Variants in ZNF516 observed in about 807,000 individuals in gnomAD.
ZNF516 encodes the protein zinc finger protein 516.
ZNF516 carries 19 observed loss-of-function variants against 79.7 expected under a neutral mutation model. The observed-to-expected ratio is 0.24, with a 90% CI of 0.17 to 0.35. ZNF516 has a LOEUF of 0.35. Ranked by LOEUF, ZNF516 falls within the 10% of genes least tolerant of loss-of-function variation. ZNF516 has a pLI of 1.00. For missense variants in ZNF516, 1,678 were observed against 1,679.5 expected (o/e 1.00, Z 0.02); for synonymous variants, 877 against 739.5 (o/e 1.19, Z -3.02).
chr18:76,391,986 A>G (rs6565886), intron 3 of ZNF516, among the ~76,000 whole-genome samples: 2 of 152,040 alleles, frequency 1.3e-5, no homozygotes, highest in Non-Finnish European at 2.9e-5. Flanking sequence ...GAGGCAAACA[A>G]CACCACGGTC....
At chr18:76,494,900 C>A (rs1915418380) in intron 1 of ZNF516, among the ~76,000 whole-genome samples, 1 of 150,602 alleles carries the variant, frequency 6.6e-6, no homozygotes, top group South Asian at 2.1e-4. Flanking sequence ...CTCGCCCCGC[C>A]GCCCGAAGTT....
At chr18:76,371,388 T>C in intron 5 of ZNF516, 79 bp downstream of exon 5, 2 of 1,381,222 alleles carry the variant, frequency 1.4e-6, no homozygotes, top group Non-Finnish European at 2.0e-6. Context: ...TCTCCCTCGC[T>C]GCGGATGGTC....
chr18:76,383,264 A>T (rs1400866331), intron 3 of ZNF516, among the ~76,000 whole-genome samples: 1 of 152,148 alleles, frequency 6.6e-6, no homozygotes, highest in Non-Finnish European at 1.5e-5. Context: ...CAGCTTTCCA[A>T]GGACCTACTT....
chr18:76,430,793 T>G (rs1013169345), intron 3 of ZNF516, among the ~76,000 whole-genome samples: 1 of 152,232 alleles, frequency 6.6e-6, no homozygotes, highest in Admixed American at 6.5e-5. Context: ...ACACTCAGAT[T>G]TGGCACATCT....
At position 76,362,298 on chromosome 18, in the gene ZNF516, T is replaced by G. The variant is rs750284611; in HGVS notation, c.*200A>C. ...TCTAGAATATAGCATCTTCATTTAT[T>G]TCTGAACGTTTAACAAGGAGAGGCA... On this transcript the variant is annotated 3_prime_UTR_variant, in exon 7 of 7. Coordinates refer to ENST00000443185, the MANE Select transcript of ZNF516 (RefSeq NM_014643.4). 5.5e-6 allele frequency: 3 copies of G among 542,522 alleles called. No homozygotes were observed. Among genetic ancestry groups the G allele is most frequent in the Non-Finnish European group, 1.0e-5 (3 of 295,966 alleles). The allele number at this position is 542,522 out of a possible 1,614,324, so 33.6% of individuals were successfully genotyped here.
intron 3 of ZNF516, among the ~76,000 whole-genome samples, chr18:76,403,815 G>A (rs1461816334): frequency 6.6e-6 from 1 of 152,166 alleles, no homozygotes; most frequent in Non-Finnish European, 1.5e-5. Flanking sequence ...TGATCTATAT[G>A]ATGTATTCAC....
chr18:76,475,219 T>C (rs931042904), intron 1 of ZNF516, among the ~76,000 whole-genome samples: 5 of 152,218 alleles, frequency 3.3e-5, no homozygotes, highest in Admixed American at 6.5e-5. Flanking sequence ...CTTCACTGGA[T>C]AATGTGACGA....
intron 3 of ZNF516, among the ~76,000 whole-genome samples, chr18:76,440,887 G>A (rs905269853): frequency 1.3e-5 from 2 of 152,200 alleles, no homozygotes; most frequent in Admixed American, 6.5e-5. Flanking sequence ...CAGATGCTCA[G>A]GTGAGACCAT....
chr18:76,458,961 G>A (rs1851536291), intron 2 of ZNF516, among the ~76,000 whole-genome samples: 1 of 152,172 alleles, frequency 6.6e-6, no homozygotes, highest in Non-Finnish European at 1.5e-5. Flanking sequence ...GAGAGACTGA[G>A]TGTCATGTGT....
At chr18:76,484,492 G>A (rs540505140) in intron 1 of ZNF516, among the ~76,000 whole-genome samples, 17 of 152,280 alleles carry the variant, frequency 1.1e-4, no homozygotes, top group South Asian at 4.1e-4. Flanking sequence ...TAAAATGGCG[G>A]CCGCCCTAAC....
intron 3 of ZNF516, among the ~76,000 whole-genome samples, chr18:76,433,435 C>T (rs1321870796): frequency 6.6e-6 from 1 of 152,174 alleles, no homozygotes; most frequent in Non-Finnish European, 1.5e-5. Context: ...ATGCTGGGGA[C>T]AGAGAGGGTC....
At chr18:76,469,476 A>G (rs17355758) in intron 1 of ZNF516, among the ~76,000 whole-genome samples, 10,366 of 152,244 alleles carry the variant, frequency 0.068, 356 homozygotes, top group Middle Eastern at 0.1. Flanking sequence ...CAAAGACCTA[A>G]TAATAGTTTC....
intron 3 of ZNF516, among the ~76,000 whole-genome samples, chr18:76,412,568 C>T (rs903361665): frequency 6.6e-6 from 1 of 152,136 alleles, no homozygotes; most frequent in Non-Finnish European, 1.5e-5. Context: ...GGAGACTGAC[C>T]TCATTTCTTC....
intron 1 of ZNF516, among the ~76,000 whole-genome samples, chr18:76,480,531 T>TATATATA (rs1568327546): frequency 1.9e-5 from 1 of 52,874 alleles, no homozygotes; most frequent in East Asian, 4.6e-4. Context: ...ACACATATAT[T>TATATATA]TTTTTTTTTG....
intron 3 of ZNF516, among the ~76,000 whole-genome samples, chr18:76,382,905 G>A (rs1414228106): frequency 6.6e-6 from 1 of 152,070 alleles, no homozygotes; most frequent in African/African-American, 2.4e-5. Context: ...AATTAGCCAA[G>A]CGTGGTGGCA....
At chr18:76,423,153 T>C (rs2075529770) in intron 3 of ZNF516, among the ~76,000 whole-genome samples, 1 of 152,158 alleles carries the variant, frequency 6.6e-6, no homozygotes, top group African/African-American at 2.4e-5. Flanking sequence ...CAACACAATT[T>C]ACACGCATTC....
At chr18:76,376,058 C>T (rs796148852) in intron 4 of ZNF516, among the ~76,000 whole-genome samples, 3 of 152,330 alleles carry the variant, frequency 2.0e-5, no homozygotes, top group African/African-American at 7.2e-5. Context: ...AACACGGATG[C>T]TGGGTCCAGG....
chr18:76,424,090 C>T (rs1233656142), intron 3 of ZNF516, among the ~76,000 whole-genome samples: 8 of 106,060 alleles, frequency 7.5e-5, no homozygotes, highest in East Asian at 6.4e-4. Flanking sequence ...AACATACACA[C>T]GCAGGTGAAA....
rs199880099 is a variant in ZNF516 at position 76,379,541 on chromosome 18, G to A, written c.2573C>T (p.Thr858Ile). ...ATTCTTAGGCATGCTAGCGGCTTTTGTGACCACTCCCAGGGGAGAAGAGCC... is the reference window on the plus strand; with the variant it reads ...ATTCTTAGGCATGCTAGCGGCTTTTATGACCACTCCCAGGGGAGAAGAGCC... ...KSGSSPLGVVTKAASMPKNKE... is the reference protein window; with the variant it reads ...KSGSSPLGVVIKAASMPKNKE... The change falls in exon 4 of 7, where the codon ACA becomes ATA. Residue 858 changes from threonine to isoleucine, a missense_variant. Transcript: ENST00000443185. 1.9e-6 allele frequency: 3 copies of A among 1,613,740 alleles called. No homozygotes were observed. The highest frequency in any genetic ancestry group is 2.5e-6 in the Non-Finnish European group (3 of 1,179,904).
Sources: gnomAD v4.1 joint callset for allele counts (sites outside exome capture counted in the v4.1 genomes callset) on GRCh38, gnomAD v4.1.1 for gene constraint, MANE v1.5 for transcripts, NCBI Gene and HGNC (gene_info 2026-07-23, HGNC 2026-07-21) for gene names.